EYS: variants seen among roughly 807,000 people sequenced by gnomAD.
EYS encodes the protein protein eyes shut homolog.
Under a neutral mutation model 282.1 loss-of-function variants are expected in EYS, and 250 were observed. The observed-to-expected ratio is 0.89, with a 90% CI of 0.80 to 0.98. The LOEUF is 0.98. Among genes scored for constraint, EYS ranks in the 50% least tolerant of loss-of-function variants. The pLI is 0.00. For synonymous variants in EYS, 1,355 were observed against 1,282.9 expected, an observed-to-expected ratio of 1.06 and a Z score of -1.20; for missense variants, 4,016 against 3,709.0, an observed-to-expected ratio of 1.08 and a Z score of -2.15.
At chr6:63,797,981 C>T (rs542266203) in intron 37 of EYS, 1 of 152,280 alleles carries the variant, frequency 6.6e-6, no homozygotes, top group African/African-American at 2.4e-5. Context: ...CTGTATCTCT[C>T]TTGCTGTCAG....
chr6:64,343,440 C>G (rs1322574683), intron 29 of EYS, among the ~76,000 whole-genome samples: 1 of 152,074 alleles, frequency 6.6e-6, no homozygotes, highest in Non-Finnish European at 1.5e-5. Flanking sequence ...AACTGAACAA[C>G]CTGCTCCTGA....
chr6:65,103,082 A>G (rs1774938978), intron 12 of EYS, among the ~76,000 whole-genome samples: 1 of 151,398 alleles, frequency 6.6e-6, no homozygotes, highest in East Asian at 1.9e-4. Context: ...GAAACTTATT[A>G]GAAAAGCAAA....
At chr6:64,106,341 G>GAA (rs201926908) in intron 31 of EYS, among the ~76,000 whole-genome samples, 2 of 151,624 alleles carry the variant, frequency 1.3e-5, no homozygotes, top group Non-Finnish European at 2.9e-5. Context: ...TTGTTTGCCT[G>GAA]AAAAAAAATC....
At chr6:63,727,729 A>ATATATATAT (rs1255552819) in intron 41 of EYS, among the ~76,000 whole-genome samples, 1 of 60,680 alleles carries the variant, frequency 1.6e-5, no homozygotes, top group African/African-American at 1.3e-4. Context: ...AAAAAAAAAA[A>ATATATATAT]AAAAAAAAAT....
At chr6:64,824,976 C>T (rs1765009630) in intron 19 of EYS, among the ~76,000 whole-genome samples, 1 of 151,814 alleles carries the variant, frequency 6.6e-6, no homozygotes, top group South Asian at 2.1e-4. Flanking sequence ...TCATTTTTAA[C>T]ATTATAGTCC....
intron 15 of EYS, among the ~76,000 whole-genome samples, chr6:64,936,611 A>G (rs1022562101): frequency 6.6e-6 from 1 of 151,532 alleles, no homozygotes; most frequent in African/African-American, 2.4e-5. Context: ...TACAAAAATC[A>G]GTGCTGTCTC....
At chr6:64,071,241 A>T (rs1337515786) in intron 32 of EYS, among the ~76,000 whole-genome samples, 1 of 152,056 alleles carries the variant, frequency 6.6e-6, no homozygotes, top group Non-Finnish European at 1.5e-5. Context: ...AAAATAATTT[A>T]ATATTTAGCT....
chr6:64,151,477 C>T (rs1774734469), intron 31 of EYS, among the ~76,000 whole-genome samples: 1 of 150,508 alleles, frequency 6.6e-6, no homozygotes. Context: ...TCTTGTGCCT[C>T]AGCCTCCCTA....
intron 28 of EYS, among the ~76,000 whole-genome samples, chr6:64,395,451 C>T (rs1484382104): frequency 6.6e-6 from 1 of 152,082 alleles, no homozygotes; most frequent in East Asian, 1.9e-4. Flanking sequence ...ACTATGCAGC[C>T]ATCAAAAATG....
intron 31 of EYS, among the ~76,000 whole-genome samples, chr6:64,154,054 ATATT>A (rs1562227949): frequency 6.6e-6 from 1 of 152,214 alleles, no homozygotes; most frequent in African/African-American, 2.4e-5. Context: ...CTGTTTTTAG[ATATT>A]TATTTGTTGA....
chr6:65,403,811 C>A (rs1444681393), intron 6 of EYS, among the ~76,000 whole-genome samples: 6 of 151,942 alleles, frequency 3.9e-5, no homozygotes, highest in Admixed American at 2.6e-4. Flanking sequence ...TATTAAGATT[C>A]TTTTAACTAG....
intron 36 of EYS, among the ~76,000 whole-genome samples, chr6:63,855,000 T>C (rs1772354002): frequency 6.6e-6 from 1 of 152,232 alleles, no homozygotes; most frequent in Non-Finnish European, 1.5e-5. Context: ...CAATGGAGTC[T>C]GTATACTCCA....
chr6:63,751,441 C>T (rs1769338022), intron 41 of EYS, among the ~76,000 whole-genome samples: 1 of 152,006 alleles, frequency 6.6e-6, no homozygotes, highest in African/African-American at 2.4e-5. Context: ...TATTATTTGC[C>T]TTTTGGTCTA....
intron 26 of EYS, among the ~76,000 whole-genome samples, chr6:64,440,228 A>T (rs947158520): frequency 6.6e-6 from 1 of 152,018 alleles, no homozygotes; most frequent in Non-Finnish European, 1.5e-5. Flanking sequence ...TCACAGGATA[A>T]TATTCATTTT....
At chr6:64,558,550 C>CAA (rs148137357) in intron 26 of EYS, among the ~76,000 whole-genome samples, 4 of 151,418 alleles carry the variant, frequency 2.6e-5, no homozygotes, top group African/African-American at 7.3e-5. Context: ...ACAACAACAA[C>CAA]AAAAAAAACA....
At chr6:64,854,060 A>T (rs1765971503) in intron 19 of EYS, among the ~76,000 whole-genome samples, 1 of 151,958 alleles carries the variant, frequency 6.6e-6, no homozygotes, top group Non-Finnish European at 1.5e-5. Flanking sequence ...ATACCATCTC[A>T]CACCAGTTAG....
intron 26 of EYS, among the ~76,000 whole-genome samples, chr6:64,578,334 A>G (rs1026650839): frequency 1.3e-5 from 2 of 152,108 alleles, no homozygotes; most frequent in African/African-American, 4.8e-5. Context: ...CTGCTCTTCC[A>G]CACTGTCGCC....
intron 5 of EYS, among the ~76,000 whole-genome samples, chr6:65,447,620 C>A (rs1768724023): frequency 6.6e-6 from 1 of 151,568 alleles, no homozygotes; most frequent in Admixed American, 6.6e-5. Context: ...ACATAGATTT[C>A]AATGTGCTAG....
At chr6:65,645,849 C>G (rs1767431734) in intron 1 of EYS, among the ~76,000 whole-genome samples, 1 of 151,926 alleles carries the variant, frequency 6.6e-6, no homozygotes, top group Non-Finnish European at 1.5e-5. Flanking sequence ...GGAGATATTA[C>G]TATTGATACC....
Sources: allele counts gnomAD v4.1 joint callset (sites outside exome capture counted in the v4.1 genomes callset), GRCh38; gene constraint gnomAD v4.1.1; transcripts MANE v1.5; gene names NCBI Gene and HGNC (gene_info 2026-07-23, HGNC 2026-07-21).